The following RSRC1 variants were observed in gnomAD, a reference collection of about 807,000 sequenced individuals.
RSRC1 encodes arginine and serine rich coiled-coil 1, also known as serine/Arginine-related protein 53.
RSRC1 carries 39 observed loss-of-function variants against 49.1 expected under a neutral mutation model. That is an observed-to-expected ratio of 0.79 (90% confidence interval 0.61 to 1.04). The LOEUF (loss-of-function observed/expected upper bound fraction) is 1.04, where lower values mean the gene tolerates loss of function less well. RSRC1 is among the 50% of genes least tolerant of loss of function. RSRC1 has a pLI of 0.00. For missense variants in RSRC1, 388 were observed against 402.4 expected, an observed-to-expected ratio of 0.96 and a Z score of 0.31; for synonymous variants, 143 against 130.8, an observed-to-expected ratio of 1.09 and a Z score of -0.63.
intron 6 of RSRC1, among the ~76,000 whole-genome samples, chr3:158,362,869 G>A (rs1320161040): frequency 6.6e-6 from 1 of 152,186 alleles, no homozygotes; most frequent in East Asian, 1.9e-4. Context: ...TTATCAGTAT[G>A]AGAAGACAAT....
intron 3 of RSRC1, among the ~76,000 whole-genome samples, chr3:158,183,213 A>G (rs1719730283): frequency 6.6e-6 from 1 of 152,154 alleles, no homozygotes; most frequent in Non-Finnish European, 1.5e-5. Context: ...TGATAGTTTG[A>G]GGATTTTAAA....
At chr3:158,346,808 A>G (rs540596194) in intron 5 of RSRC1, among the ~76,000 whole-genome samples, 5 of 152,256 alleles carry the variant, frequency 3.3e-5, no homozygotes, top group Non-Finnish European at 2.9e-5. Context: ...TTATACAAAG[A>G]TGTGTACCTG....
chr3:158,395,102 T>C (rs936329668), intron 6 of RSRC1, among the ~76,000 whole-genome samples: 1 of 152,114 alleles, frequency 6.6e-6, no homozygotes, highest in African/African-American at 2.4e-5. Context: ...GTTCAATAAA[T>C]GGTGCTGAAA....
At chr3:158,229,349 T>TAA (rs1722799089) in intron 4 of RSRC1, among the ~76,000 whole-genome samples, 1 of 115,488 alleles carries the variant, frequency 8.7e-6, no homozygotes, top group African/African-American at 2.9e-5. Flanking sequence ...TGTATGTATA[T>TAA]ATATACACAT....
intron 7 of RSRC1, among the ~76,000 whole-genome samples, chr3:158,507,742 C>T (rs1578556472): frequency 2.6e-5 from 4 of 152,214 alleles, no homozygotes; most frequent in Admixed American, 2.0e-4. Flanking sequence ...TTCACCAAAA[C>T]CTTTTAATAA....
intron 6 of RSRC1, among the ~76,000 whole-genome samples, chr3:158,376,229 T>A (rs1379027143): frequency 7.0e-6 from 1 of 142,742 alleles, no homozygotes; most frequent in African/African-American, 2.6e-5. Context: ...TCTCACTCTG[T>A]CACCCAGGCT....
chr3:158,429,145 C>T (rs1735628983), intron 6 of RSRC1, among the ~76,000 whole-genome samples: 1 of 151,820 alleles, frequency 6.6e-6, no homozygotes, highest in South Asian at 2.1e-4. Flanking sequence ...TTCAGCCCTT[C>T]TAATAATTTT....
chr3:158,268,835 A>G (rs1038144586), intron 4 of RSRC1, among the ~76,000 whole-genome samples: 2 of 152,216 alleles, frequency 1.3e-5, no homozygotes, highest in East Asian at 1.9e-4. Flanking sequence ...TTAAATTTAT[A>G]TCTCTATTGC....
chr3:158,368,485 G>A (rs371271164), intron 6 of RSRC1, among the ~76,000 whole-genome samples: 1 of 152,188 alleles, frequency 6.6e-6, no homozygotes, highest in Non-Finnish European at 1.5e-5. Flanking sequence ...TATGCCCTGC[G>A]GGCTGACAGG....
chr3:158,516,189 C>A (rs573697319), intron 7 of RSRC1, among the ~76,000 whole-genome samples: 19 of 152,266 alleles, frequency 1.2e-4, no homozygotes, highest in Admixed American at 6.5e-4. Context: ...TTTAGAGTTT[C>A]CAGTTTTTCT....
At chr3:158,312,508 C>G (rs1215547887) in intron 5 of RSRC1, among the ~76,000 whole-genome samples, 1 of 152,040 alleles carries the variant, frequency 6.6e-6, no homozygotes, top group African/African-American at 2.4e-5. Context: ...ATATAACAAG[C>G]ATATTGTGCT....
At chr3:158,121,706 T>C (rs751888304) in intron 1 of RSRC1, among the ~76,000 whole-genome samples, 8 of 152,234 alleles carry the variant, frequency 5.3e-5, no homozygotes, top group Non-Finnish European at 2.9e-5. Context: ...AAAGAAAATG[T>C]CATATAATTA....
intron 3 of RSRC1, among the ~76,000 whole-genome samples, chr3:158,168,656 A>G (rs1189414355): frequency 1.3e-5 from 2 of 152,128 alleles, no homozygotes; most frequent in Non-Finnish European, 1.5e-5. Flanking sequence ...ATTCGTTAAG[A>G]TTATAATTGT....
At position 158,449,551 on chromosome 3, in the gene RSRC1, A is replaced by G. The variant is rs954314984; in HGVS notation, c.584-11384A>G. On this transcript the variant is annotated intron_variant, in intron 6 of 9. Coordinates refer to ENST00000611884, the MANE Select transcript of RSRC1 (RefSeq NM_001271838.2). Reference sequence around the variant, plus strand: ...TATTCCACTGTGGAACCTTGTTTAAATGGAGAATCGTGAGAAATTTGTGTT... The same window carrying G: ...TATTCCACTGTGGAACCTTGTTTAAGTGGAGAATCGTGAGAAATTTGTGTT... Among the ~76,000 whole-genome samples, 12 of 152,014 alleles carry G rather than the reference A, an allele frequency of 7.9e-5. No individual in the cohort carries two copies. The South Asian group carries it at 1.2e-3, about 16-fold the overall frequency.
intron 6 of RSRC1, among the ~76,000 whole-genome samples, chr3:158,372,141 T>G (rs1732114546): frequency 6.6e-6 from 1 of 151,886 alleles, no homozygotes; most frequent in Admixed American, 6.6e-5. Context: ...CTCTTAATGG[T>G]GTCTTTTGAA....
In RSRC1 at chr3:158,539,759, G is replaced by A. The variant is rs370762661; in HGVS notation, c.759+2561G>A. Among the ~76,000 whole-genome samples the A allele has an allele frequency of 3.9e-5, 6 of 152,112 alleles. No homozygotes were observed. In the South Asian group the frequency reaches 6.2e-4, roughly 16 times the overall value. ...TCTCTCTACAAATTTTTAATTGCCC[G>A]TTATTAAACAATAACTTCCATGCTC... On this transcript the variant is annotated intron_variant, in intron 8 of 9. Coordinates refer to ENST00000611884, the MANE Select transcript of RSRC1 (RefSeq NM_001271838.2). This position sits in a 1 kb window ranked among gnomAD's most constrained non-coding sequence, Gnocchi z 4.1.
At chr3:158,369,189 G>A (rs529395919) in intron 6 of RSRC1, among the ~76,000 whole-genome samples, 1 of 152,030 alleles carries the variant, frequency 6.6e-6, no homozygotes, top group Admixed American at 6.6e-5. Flanking sequence ...TCCTAGCCAA[G>A]CAAAATATTT....
intron 3 of RSRC1, among the ~76,000 whole-genome samples, chr3:158,175,977 A>G (rs929937542): frequency 6.6e-6 from 1 of 152,124 alleles, no homozygotes; most frequent in Middle Eastern, 3.2e-3. Context: ...GAGCTTGATC[A>G]GGTCATTTAA....
chr3:158,172,039 A>G (rs1487186741), intron 3 of RSRC1, among the ~76,000 whole-genome samples: 1 of 152,184 alleles, frequency 6.6e-6, no homozygotes, highest in Non-Finnish European at 1.5e-5. Context: ...GAATTTAAAA[A>G]CAGTGAAGGA....
Sources: gnomAD v4.1 joint callset for allele counts (sites outside exome capture counted in the v4.1 genomes callset) on GRCh38, gnomAD v4.1.1 for gene constraint, Gnocchi (gnomAD v3.1) non-coding constraint, MANE v1.5 for transcripts, NCBI Gene and HGNC (gene_info 2026-07-23, HGNC 2026-07-21) for gene names.